The following CTNND2 variants were observed in gnomAD, a reference collection of about 807,000 sequenced individuals.
CTNND2 encodes the protein catenin delta 2.
A neutral mutation model predicts 144.4 loss-of-function variants in CTNND2; 22 were observed. The ratio of observed to expected loss-of-function variants is 0.15; its 90% CI spans 0.11 to 0.22. The LOEUF is 0.22. CTNND2 is among the 10% of genes least tolerant of loss of function. The probability of loss-of-function intolerance (pLI) is 1.00; values close to 1 mark genes in which losing one functional copy is unlikely to be tolerated. For synonymous variants in CTNND2, 751 were observed against 695.6 expected (o/e 1.08, Z -1.25); for missense variants, 1,353 against 1,618.8 (o/e 0.84, Z 2.82).
At chr5:11,846,712 C>G (rs894106738) in intron 1 of CTNND2, among the ~76,000 whole-genome samples, 1 of 151,928 alleles carries the variant, frequency 6.6e-6, no homozygotes, top group Non-Finnish European at 1.5e-5. Flanking sequence ...GGGCTGATAG[C>G]CAGAACTTAT....
intron 12 of CTNND2, among the ~76,000 whole-genome samples, chr5:11,143,106 A>G (rs553482853): frequency 1.5e-4 from 23 of 152,296 alleles, no homozygotes; most frequent in African/African-American, 5.1e-4. Context: ...CATTTAACAA[A>G]GAGAAAATAA....
intron 3 of CTNND2, among the ~76,000 whole-genome samples, chr5:11,443,458 GGT>G (rs572032623): frequency 1.0e-4 from 15 of 148,456 alleles, no homozygotes; most frequent in Admixed American, 7.4e-4. Context: ...ATGTCTGTGC[GGT>G]GTGTGTGTGT....
intron 15 of CTNND2, among the ~76,000 whole-genome samples, chr5:11,093,553 TTGTCACAGAAAAAGAG>T (rs1751006435): frequency 6.6e-6 from 1 of 152,144 alleles, no homozygotes; most frequent in Admixed American, 6.5e-5. Context: ...GCTAGTCAAT[TTGTCACAGAAAAAGAG>T]TGTGCATGAT....
intron 3 of CTNND2, among the ~76,000 whole-genome samples, chr5:11,550,601 G>A (rs776106900): frequency 6.6e-6 from 1 of 152,152 alleles, no homozygotes; most frequent in Non-Finnish European, 1.5e-5. Context: ...AACTTCCTCA[G>A]CTCTTGAGGT....
intron 2 of CTNND2, among the ~76,000 whole-genome samples, chr5:11,657,797 C>T (rs1782993492): frequency 6.6e-6 from 1 of 152,064 alleles, no homozygotes; most frequent in Non-Finnish European, 1.5e-5. Flanking sequence ...AACCCCAAGT[C>T]TCAGTATCAC....
At chr5:11,123,979 C>T (rs1295622553) in intron 12 of CTNND2, among the ~76,000 whole-genome samples, 1 of 152,164 alleles carries the variant, frequency 6.6e-6, no homozygotes, top group Non-Finnish European at 1.5e-5. Context: ...TAACAGTCAA[C>T]CAGCAAATGA....
chr5:11,188,812 A>G (rs1046482483), intron 11 of CTNND2, among the ~76,000 whole-genome samples: 10 of 152,102 alleles, frequency 6.6e-5, no homozygotes, highest in Non-Finnish European at 7.4e-5. Flanking sequence ...TGGAACACTT[A>G]ACTCCAGATT....
rs575355407 is a variant in CTNND2, at chr5:11,082,613, T to C, written c.2788+83A>G. The C allele has an allele frequency of 4.7e-6, 7 of 1,493,912 alleles. No homozygotes were observed. The South Asian group carries it at 7.5e-5, about 16-fold the overall frequency. The allele number at this position is 1,493,912 out of a possible 1,614,324, so 92.5% of individuals were successfully genotyped here. On this transcript the variant is annotated intron_variant, in intron 16 of 21. Transcript: ENST00000304623. ...ACGGCTTCTGTGTAAGCATAGGCTA[T>C]GCATACGGGTTCAACCACACCTACC...
rs1553988803 is a variant in CTNND2 at position 11,879,352 on chromosome 5, T to TATATATATATATATATATATATACATAC, written c.37+24464_37+24465insGTATGTATATATATATATATATATATAT. ...AAAATTAAATGTGTGTATATATATA[T>TATATATATATATATATATATATACATAC]ATATACATATACACACACACACAAA... is the stretch of plus-strand genomic sequence containing the variant. On this transcript the variant is annotated intron_variant, in intron 1 of 21. Coordinates refer to ENST00000304623, the MANE Select transcript of CTNND2 (RefSeq NM_001332.4). 6.6e-4 allele frequency among the ~76,000 whole-genome samples: 91 copies of TATATATATATATATATATATATACATAC among 137,242 alleles called. 1 individual carries two copies. The highest frequency in any genetic ancestry group is 2.5e-3 in the African/African-American group (91 of 37,136). 90.0% of individuals were successfully genotyped at this position (137,242 alleles called of 152,430 possible). A position where few individuals can be genotyped will look rare whatever the true frequency, so the allele number is the denominator to read the frequency against.
chr5:11,284,958 C>T (rs1001303129), intron 9 of CTNND2, among the ~76,000 whole-genome samples: 5 of 152,272 alleles, frequency 3.3e-5, no homozygotes, highest in Admixed American at 6.5e-5. Flanking sequence ...CTGACAGAGC[C>T]CCCCTCCTTG....
intron 3 of CTNND2, among the ~76,000 whole-genome samples, chr5:11,533,488 C>T (rs906377199): frequency 2.6e-5 from 4 of 152,154 alleles, no homozygotes; most frequent in African/African-American, 9.7e-5. Context: ...GCAGCAAGGA[C>T]CCCATAGCCT....
At chr5:11,272,535 C>A (rs1230868110) in intron 9 of CTNND2, among the ~76,000 whole-genome samples, 1 of 152,170 alleles carries the variant, frequency 6.6e-6, no homozygotes, top group Non-Finnish European at 1.5e-5. Context: ...TTTTTCCTTA[C>A]TATGGTTATT....
At chr5:11,591,544 G>A (rs1779240267) in intron 2 of CTNND2, among the ~76,000 whole-genome samples, 1 of 91,380 alleles carries the variant, frequency 1.1e-5, no homozygotes, top group South Asian at 3.6e-4. Context: ...TTCAGCAATA[G>A]CTATTTTTTT....
At chr5:11,783,210 G>C (rs1011331329) in intron 1 of CTNND2, among the ~76,000 whole-genome samples, 1 of 152,146 alleles carries the variant, frequency 6.6e-6, no homozygotes, top group Non-Finnish European at 1.5e-5. Context: ...GAATGCAGGA[G>C]AATTTCCTAG....
chr5:11,065,093 A>G (rs376804904), intron 16 of CTNND2, among the ~76,000 whole-genome samples: 90 of 152,304 alleles, frequency 5.9e-4, no homozygotes, highest in Middle Eastern at 6.8e-3. Flanking sequence ...CTCTGCTTTG[A>G]GTTAACGAGG....
chr5:11,413,343 G>C, intron 3 of CTNND2, among the ~76,000 whole-genome samples: 1 of 152,244 alleles, frequency 6.6e-6, no homozygotes, highest in South Asian at 2.1e-4. Flanking sequence ...GGTTCACTTA[G>C]TAAGTGGAAT....
chr5:11,321,444 G>T (rs1375853840), intron 9 of CTNND2, among the ~76,000 whole-genome samples: 1 of 152,114 alleles, frequency 6.6e-6, no homozygotes, highest in East Asian at 1.9e-4. Flanking sequence ...CCAAGCCAGG[G>T]ACAAATAGCT....
Position 11,311,990 on chromosome 5 carries a change from ATATG to A in CTNND2, c.1628+34378_1628+34381del, listed in dbSNP as rs1490276187. Among the ~76,000 whole-genome samples the A allele has an allele frequency of 1.0e-3, 145 of 140,322 alleles. 3 individuals are homozygous for A. Among genetic ancestry groups the A allele is most frequent in the African/African-American group, 3.7e-3 (133 of 36,410 alleles). 92.1% of individuals were successfully genotyped at this position (140,322 alleles called of 152,430 possible). On this transcript the variant is annotated intron_variant, in intron 9 of 21. Transcript: ENST00000304623. ...CCACACACACCCACACACTACCCAT[ATATG>A]CACCCCACACACACACTCACCATAC...
chr5:11,149,454 C>T (rs555071906), intron 12 of CTNND2, among the ~76,000 whole-genome samples: 13 of 152,314 alleles, frequency 8.5e-5, no homozygotes, highest in South Asian at 2.1e-4. Flanking sequence ...TCCCTGGGCA[C>T]GGCCATCCTC....
Sources: gnomAD v4.1 joint callset for allele counts (sites outside exome capture counted in the v4.1 genomes callset) on GRCh38, gnomAD v4.1.1 for gene constraint, MANE v1.5 for transcripts, NCBI Gene and HGNC (gene_info 2026-07-23, HGNC 2026-07-21) for gene names.